Variants in HOXC9 observed in about 807,000 individuals in gnomAD.
HOXC9 encodes homeobox C9, also known as homeobox protein Hox-C9.
In HOXC9, 10 loss-of-function variants were observed where a neutral mutation model predicts 20.0. That is an observed-to-expected ratio of 0.50 (90% confidence interval 0.31 to 0.85). HOXC9 has a LOEUF of 0.85. Among genes scored for constraint, HOXC9 ranks in the 40% least tolerant of loss-of-function variants. The pLI, the probability that HOXC9 is intolerant of heterozygous loss-of-function variation, is 0.05. For synonymous variants in HOXC9, 200 were observed against 163.7 expected, an observed-to-expected ratio of 1.22 and a Z score of -1.69; for missense variants, 394 against 376.7, an observed-to-expected ratio of 1.05 and a Z score of -0.38.
At chr12:54,001,983 A>G (rs1332575735) in intron 1 of HOXC9, among the ~76,000 whole-genome samples, 1 of 151,778 alleles carries the variant, frequency 6.6e-6, no homozygotes, top group Non-Finnish European at 1.5e-5. Context: ...AGGGTCAGGA[A>G]GCAGAACTGC....
At position 54,000,290 on chromosome 12, in the gene HOXC9, T is replaced by G. The variant is rs1565724686; in HGVS notation, c.102T>G (p.His34Gln). 5 of 1,613,950 alleles carry G rather than the reference T, an allele frequency of 3.1e-6. No individual in the cohort carries two copies. In the South Asian group the frequency reaches 5.5e-5, roughly 18 times the overall value. The stretch of plus-strand genomic sequence containing the variant: ...CCAGGTTTCCGGCCACCGGGGCTCA[T>G]CCCGCCGCCGCCAGACCCAGCGGTT... ...LASRFPATGAHPAAARPSGLV... is the reference protein window; with the variant it reads ...LASRFPATGAQPAAARPSGLV... Residue 34 changes from histidine to glutamine, a missense_variant, in exon 1 of 2, where the codon CAT becomes CAG. Coordinates refer to ENST00000303450, the MANE Select transcript of HOXC9 (RefSeq NM_006897.3).
chr12:54,001,972 C>G (rs1287784991), intron 1 of HOXC9, among the ~76,000 whole-genome samples: 1 of 151,542 alleles, frequency 6.6e-6, no homozygotes, highest in Non-Finnish European at 1.5e-5. Context: ...TAGGGATTCT[C>G]AGGGTCAGGA....
chr12:54,000,591 G>A lies in HOXC9; in HGVS notation c.403G>A (p.Gly135Ser). The A allele has an allele frequency of 6.5e-7, 1 of 1,532,070 alleles. No homozygotes were observed. The highest frequency in any genetic ancestry group is 8.7e-7 in the Non-Finnish European group (1 of 1,147,020). The allele number at this position is 1,532,070 out of a possible 1,614,324, so 94.9% of individuals were successfully genotyped here. Reference sequence around the variant, plus strand: ...CCGCGCGGACTGCGGCCCAGGGGAGGGCCGCAGCTACCCGGACTACATGTA... The same window carrying A: ...CCGCGCGGACTGCGGCCCAGGGGAGAGCCGCAGCTACCCGGACTACATGTA... ...GRRADCGPGE[G>S]RSYPDYMYGS... is the part of the protein sequence containing the mutation. Residue 135 changes from glycine to serine, a missense_variant, in exon 1 of 2, where the codon GGC becomes AGC. By Grantham distance (56) the Gly-to-Ser change is moderately conservative. Transcript: ENST00000303450.
Position 54,000,608 on chromosome 12 carries a change from CTA to C in HOXC9, c.421_422del (p.Tyr141HisfsTer83), listed in dbSNP as rs1592207064. 1 of 1,540,094 alleles carries C rather than the reference CTA, an allele frequency of 6.5e-7. No homozygotes were observed. ...GPGEGRSYPD[Y>X]MYGSPGELRD... Reference sequence around the variant, plus strand: ...CAGGGGAGGGCCGCAGCTACCCGGACTACATGTACGGCTCGCCCGGGGAGCTG... The same window carrying C: ...CAGGGGAGGGCCGCAGCTACCCGGACCATGTACGGCTCGCCCGGGGAGCTG... On this transcript the variant is annotated frameshift_variant, in exon 1 of 2. Transcript: ENST00000303450. LOFTEE classifies it high-confidence loss of function.
Position 54,002,624 on chromosome 12 carries a change from A to G in HOXC9, c.733A>G (p.Met245Val). The part of the protein sequence containing the change: ...QVKIWFQNRR[M>V]KMKKMNKEKT... ...CAAAATCTGGTTTCAGAATCGAAGGATGAAGATGAAAAAGATGAATAAAGA... is the reference window on the plus strand; with the variant it reads ...CAAAATCTGGTTTCAGAATCGAAGGGTGAAGATGAAAAAGATGAATAAAGA... The change falls in exon 2 of 2, where the codon ATG (methionine) becomes GTG (valine). Residue 245 changes from methionine to valine, a missense_variant. Physicochemically the swap from Met to Val is conservative, Grantham distance 21. Coordinates refer to ENST00000303450, the MANE Select transcript of HOXC9 (RefSeq NM_006897.3). 6.2e-7 allele frequency: 1 copy of G among 1,614,168 alleles called. No homozygotes were observed. The highest frequency in any genetic ancestry group is 8.5e-7 in the Non-Finnish European group (1 of 1,180,004).
chr12:54,002,897 G>C lies in HOXC9; in HGVS notation c.*223G>C, dbSNP rs1228763665. On this transcript the variant is annotated 3_prime_UTR_variant, in exon 2 of 2. Transcript: ENST00000303450. ...TGTTTTAGAGTTAGTTCTACCCAGC[G>C]AGGAGGAGGCGGGGAGAGAAACTGC... 10 of 421,736 alleles carry C rather than the reference G, an allele frequency of 2.4e-5. No individual in the cohort carries two copies. The highest frequency in any genetic ancestry group is 3.7e-5 in the Non-Finnish European group (9 of 243,910). The allele number at this position is 421,736 out of a possible 1,614,324, so 26.1% of individuals were successfully genotyped here. A position where few individuals can be genotyped will look rare whatever the true frequency, so the allele number is the denominator to read the frequency against.
At chr12:54,000,787 G>A (rs1385764230) in intron 1 of HOXC9, 61 bp downstream of exon 1, 34 of 1,393,056 alleles carry the variant, frequency 2.4e-5, no homozygotes, top group Non-Finnish European at 3.2e-5. Flanking sequence ...GACGGGCGGG[G>A]GCAGCCGAAT....
chr12:54,000,281 C>T lies in HOXC9; in HGVS notation c.93C>T (p.Thr31=). 6.2e-7 allele frequency: 1 copy of T among 1,614,160 alleles called. No individual in the cohort carries two copies. Among genetic ancestry groups the T allele is most frequent in the Non-Finnish European group, 8.5e-7 (1 of 1,180,044 alleles). The change falls in exon 1 of 2, where the codon ACC becomes ACT. Residue 31 remains threonine (T), a synonymous_variant. Coordinates refer to ENST00000303450, the MANE Select transcript of HOXC9 (RefSeq NM_006897.3). ...TCCTAGCGTCCAGGTTTCCGGCCAC[C>T]GGGGCTCATCCCGCCGCCGCCAGAC... ...EDLLASRFPA[T]GAHPAAARPS... is the part of the protein sequence containing the mutation.
Position 54,002,924 on chromosome 12 carries a change from T to C in HOXC9, c.*250T>C. ...GGAGGAGGCGGGGAGAGAAACTGCG[T>C]TCTCTTTCCCCAGCGCAACCGAAAT... On this transcript the variant is annotated 3_prime_UTR_variant, in exon 2 of 2. Coordinates refer to ENST00000303450, the MANE Select transcript of HOXC9 (RefSeq NM_006897.3). The C allele has an allele frequency of 2.7e-6, 1 of 365,114 alleles. No homozygotes were observed. The highest frequency in any genetic ancestry group is 4.3e-5 in the East Asian group (1 of 23,482). 22.6% of individuals were successfully genotyped at this position (365,114 alleles called of 1,614,324 possible).
chr12:54,000,255 C>T lies in HOXC9; in HGVS notation c.67C>T (p.Leu23Phe). The stretch of plus-strand genomic sequence containing the variant: ...GCTCATCTCTCACGACAATGAAGAC[C>T]TCCTAGCGTCCAGGTTTCCGGCCAC... The part of the protein sequence containing the change: ...DSLISHDNED[L>F]LASRFPATGA... Residue 23 changes from leucine to phenylalanine, a missense_variant, in exon 1 of 2, where the codon CTC becomes TTC. By Grantham distance (22) the Leu-to-Phe change is conservative. Transcript: ENST00000303450. 2 of 1,614,148 alleles carry T rather than the reference C, an allele frequency of 1.2e-6. No individual in the cohort carries two copies. Among genetic ancestry groups the T allele is most frequent in the Non-Finnish European group, 1.7e-6 (2 of 1,180,020 alleles).
chr12:54,000,537 G>A lies in HOXC9; in HGVS notation c.349G>A (p.Ala117Thr), dbSNP rs1939710110. The A allele has an allele frequency of 4.5e-6, 7 of 1,567,024 alleles. No homozygotes were observed. Among genetic ancestry groups the A allele is most frequent in the Non-Finnish European group, 6.0e-6 (7 of 1,163,842 alleles). Residue 117 changes from alanine (A) to threonine (T), a missense_variant, in exon 1 of 2, where the codon GCC becomes ACC. Ala to Thr is a moderately conservative substitution (Grantham distance 58). Coordinates refer to ENST00000303450, the MANE Select transcript of HOXC9 (RefSeq NM_006897.3). ...PSFPAGGRHY[A>T]LKPDAYPGRR... ...CTTCCCGGCCGGGGGCCGTCACTACGCCCTCAAGCCGGACGCCTACCCCGG... is the reference window on the plus strand; with the variant it reads ...CTTCCCGGCCGGGGGCCGTCACTACACCCTCAAGCCGGACGCCTACCCCGG...
chr12:54,002,776 G>A lies in HOXC9; in HGVS notation c.*102G>A, dbSNP rs1010172092. ...GAGAGACGAAAAAGAAAAGGAAAGA[G>A]CAAGATAGACAAAAGCCAATCAGCT... On this transcript the variant is annotated 3_prime_UTR_variant, in exon 2 of 2. Coordinates refer to ENST00000303450, the MANE Select transcript of HOXC9 (RefSeq NM_006897.3). The A allele has an allele frequency of 3.7e-6, 5 of 1,348,266 alleles. No homozygotes were observed. The highest frequency in any genetic ancestry group is 2.4e-5 in the Admixed American group (1 of 41,612). 83.5% of individuals were successfully genotyped at this position (1,348,266 alleles called of 1,614,324 possible). A position where few individuals can be genotyped will look rare whatever the true frequency, so the allele number is the denominator to read the frequency against.
At position 54,002,539 on chromosome 12, in the gene HOXC9, T is replaced by C. The variant is rs1367363786; in HGVS notation, c.648T>C (p.Tyr216=). 6.2e-7 allele frequency: 1 copy of C among 1,614,068 alleles called. No homozygotes were observed. Among genetic ancestry groups the C allele is most frequent in the East Asian group, 2.2e-5 (1 of 44,896 alleles). The change falls in exon 2 of 2, where the codon TAT becomes TAC. Residue 216 remains tyrosine (Y), a synonymous_variant. Coordinates refer to ENST00000303450, the MANE Select transcript of HOXC9 (RefSeq NM_006897.3). ...ELEKEFLFNM[Y]LTRDRRYEVA... is the part of the protein sequence containing the mutation. ...AGAAGGAGTTTCTCTTCAATATGTA[T>C]TTAACCAGGGACCGTCGGTATGAGG...
Position 54,002,477 on chromosome 12 carries a change from C to A in HOXC9, c.586C>A (p.Arg196Ser). ...TCACGCCCGCTCCACGAGGAAGAAG[C>A]GCTGCCCCTACACCAAGTACCAGAC... ...WIHARSTRKK[R>S]CPYTKYQTLE... is the part of the protein sequence containing the mutation. The change falls in exon 2 of 2, where the codon CGC becomes AGC. Residue 196 changes from arginine (R) to serine (S), a missense_variant. By Grantham distance (110) the Arg-to-Ser change is moderately radical. Coordinates refer to ENST00000303450, the MANE Select transcript of HOXC9 (RefSeq NM_006897.3). 6.2e-7 allele frequency: 1 copy of A among 1,614,112 alleles called. No individual in the cohort carries two copies. Among genetic ancestry groups the A allele is most frequent in the Non-Finnish European group, 8.5e-7 (1 of 1,179,960 alleles).
chr12:54,002,944 C>T lies in HOXC9; in HGVS notation c.*270C>T, dbSNP rs1303206885. 1.9e-5 allele frequency: 6 copies of T among 321,832 alleles called. No individual in the cohort carries two copies. Among genetic ancestry groups the T allele is most frequent in the Admixed American group, 4.6e-5 (1 of 21,894 alleles). 19.9% of individuals were successfully genotyped at this position (321,832 alleles called of 1,614,324 possible). ...CTGCGTTCTCTTTCCCCAGCGCAAC[C>T]GAAATAAATGACACATACAAATGTG... On this transcript the variant is annotated 3_prime_UTR_variant, in exon 2 of 2. Transcript: ENST00000303450.
At position 54,002,837 on chromosome 12, in the gene HOXC9, T is replaced by C; in HGVS notation, c.*163T>C. The C allele has an allele frequency of 1.3e-6, 1 of 777,688 alleles. No individual in the cohort carries two copies. Among genetic ancestry groups the C allele is most frequent in the Non-Finnish European group, 2.0e-6 (1 of 511,720 alleles). 48.2% of individuals were successfully genotyped at this position (777,688 alleles called of 1,614,324 possible). A position where few individuals can be genotyped will look rare whatever the true frequency, so the allele number is the denominator to read the frequency against. On this transcript the variant is annotated 3_prime_UTR_variant, in exon 2 of 2. Transcript: ENST00000303450. ...AACAAGGAAGGGGAAAAGAAAACTC[T>C]TGCGATTTGGGAGGGTTCAGTGTTG...
chr12:54,001,851 C>G (rs1038060930), intron 1 of HOXC9, among the ~76,000 whole-genome samples: 4 of 152,158 alleles, frequency 2.6e-5, no homozygotes, highest in African/African-American at 9.7e-5. Context: ...GCCAGCGGCT[C>G]TCTGGGGAGA....
chr12:54,000,293 C>A lies in HOXC9; in HGVS notation c.105C>A (p.Pro35=), dbSNP rs771705400. ...ASRFPATGAH[P]AAARPSGLVP... ...GGTTTCCGGCCACCGGGGCTCATCC[C>A]GCCGCCGCCAGACCCAGCGGTTTGG... The change falls in exon 1 of 2, where the codon CCC becomes CCA. Residue 35 remains proline (P), a synonymous_variant. Coordinates refer to ENST00000303450, the MANE Select transcript of HOXC9 (RefSeq NM_006897.3). 1 of 1,614,124 alleles carries A rather than the reference C, an allele frequency of 6.2e-7. No individual in the cohort carries two copies. Among genetic ancestry groups the A allele is most frequent in the Non-Finnish European group, 8.5e-7 (1 of 1,180,036 alleles).
At position 54,000,449 on chromosome 12, in the gene HOXC9, C is replaced by G. The variant is rs776653913; in HGVS notation, c.261C>G (p.Gly87=). Residue 87 remains glycine, a synonymous_variant, in exon 1 of 2, where the codon GGC becomes GGG. Transcript: ENST00000303450. The stretch of plus-strand genomic sequence containing the variant: ...CGTACGGCCCCCAGCCCCACCTCGG[C>G]GCCGACACGCGCTACATGCGGACTT... ...YHPYGPQPHL[G]ADTRYMRTWL... is the part of the protein sequence containing the mutation. The G allele has an allele frequency of 6.2e-7, 1 of 1,604,854 alleles. No homozygotes were observed. The highest frequency in any genetic ancestry group is 8.5e-7 in the Non-Finnish European group (1 of 1,179,748).
Sources: gnomAD v4.1 joint callset for allele counts (sites outside exome capture counted in the v4.1 genomes callset) on GRCh38, gnomAD v4.1.1 for gene constraint, MANE v1.5 for transcripts, NCBI Gene and HGNC (gene_info 2026-07-23, HGNC 2026-07-21) for gene names.